DNAH11: variants seen among roughly 807,000 people sequenced by gnomAD.
DNAH11 encodes the protein axonemal beta dynein heavy chain 11.
In DNAH11, 442 loss-of-function variants were observed where a neutral mutation model predicts 526.0. That is an observed-to-expected ratio of 0.84 (90% CI 0.78 to 0.91). DNAH11 has a LOEUF of 0.91. Ranked by LOEUF, DNAH11 falls within the 40% of genes least tolerant of loss-of-function variation. The pLI is 0.00. For synonymous variants in DNAH11, 2,461 were observed against 1,935.9 expected (o/e 1.27, Z -7.12); for missense variants, 6,989 against 5,448.7 (o/e 1.28, Z -8.90).
chr7:21,564,065 C>G, intron 5 of DNAH11, 121 bp from the exon 6 acceptor site: 1 of 630,740 alleles, frequency 1.6e-6, no homozygotes, highest in Non-Finnish European at 2.6e-6. Flanking sequence ...ATAAAAGGAA[C>G]TATGACAACA....
Position 21,899,440 on chromosome 7 carries a change from T to C in DNAH11, c.13154T>C (p.Phe4385Ser). 6.2e-7 allele frequency: 1 copy of C among 1,613,116 alleles called. No individual in the cohort carries two copies. The highest frequency in any genetic ancestry group is 8.5e-7 in the Non-Finnish European group (1 of 1,179,166). ...WLSGFFNPQS[F>S]LTAIMQTMAR... ...TCCGGCTTCTTCAACCCTCAGTCCT[T>C]CTTAACTGGTAAGGGCTGACGCAGT... Residue 4385 changes from phenylalanine to serine, a missense_variant, in exon 80 of 82, where the codon TTC (phenylalanine) becomes TCC (serine). Phe to Ser is a radical substitution (Grantham distance 155). Transcript: ENST00000409508.
At chr7:21,695,228 A>G (rs1309576478) in intron 35 of DNAH11, among the ~76,000 whole-genome samples, 1 of 152,226 alleles carries the variant, frequency 6.6e-6, no homozygotes, top group African/African-American at 2.4e-5. Flanking sequence ...TTCTTCACAG[A>G]AGTAGAAAAT....
rs1784474955 is a variant in DNAH11, at chr7:21,711,812, C to A, written c.6935C>A (p.Ser2312Tyr). The A allele has an allele frequency of 6.2e-7, 1 of 1,613,802 alleles. No individual in the cohort carries two copies. The highest frequency in any genetic ancestry group is 8.5e-7 in the Non-Finnish European group (1 of 1,179,798). Reference sequence around the variant, plus strand: ...AGGAGCGCAACCCCGGCCACTGTTTCCAGAGCTGGTATTCTGTATGTGAAC... The same window carrying A: ...AGGAGCGCAACCCCGGCCACTGTTTACAGAGCTGGTATTCTGTATGTGAAC... ...HLRSATPATV[S>Y]RAGILYVNPQ... The change falls in exon 42 of 82, where the codon TCC becomes TAC. Residue 2312 changes from serine to tyrosine, a missense_variant. By Grantham distance (144) the Ser-to-Tyr change is moderately radical. Coordinates refer to ENST00000409508, the MANE Select transcript of DNAH11 (RefSeq NM_001277115.2).
chr7:21,800,997 A>C (rs1746918199), intron 61 of DNAH11, 140 bp from the exon 62 acceptor site: 1 of 843,800 alleles, frequency 1.2e-6, no homozygotes, highest in Non-Finnish European at 1.9e-6. Context: ...TCTTCCCTAA[A>C]ATACGTATGG....
At chr7:21,743,724 G>A (rs565290296) in intron 49 of DNAH11, among the ~76,000 whole-genome samples, 2 of 152,292 alleles carry the variant, frequency 1.3e-5, no homozygotes, top group South Asian at 4.1e-4. Context: ...TTTAATCTCA[G>A]AAGGAAAGGG....
intron 54 of DNAH11, among the ~76,000 whole-genome samples, chr7:21,751,848 G>T (rs1786425701): frequency 6.6e-6 from 1 of 152,210 alleles, no homozygotes; most frequent in Admixed American, 6.5e-5. Context: ...CATTTGTCAG[G>T]TAGTAACAAG....
At chr7:21,814,643 A>T (rs1437321340) in intron 63 of DNAH11, among the ~76,000 whole-genome samples, 1 of 151,686 alleles carries the variant, frequency 6.6e-6, no homozygotes, top group Non-Finnish European at 1.5e-5. Context: ...ATTTATTTTT[A>T]AAATAATGTA....
At chr7:21,796,691 A>G (rs932607635) in intron 61 of DNAH11, among the ~76,000 whole-genome samples, 1 of 152,156 alleles carries the variant, frequency 6.6e-6, no homozygotes, top group Non-Finnish European at 1.5e-5. Context: ...GGGGCCAAAC[A>G]TCACGTGTTA....
chr7:21,877,824 G>C (rs898105174), intron 74 of DNAH11, among the ~76,000 whole-genome samples: 10 of 128,948 alleles, frequency 7.8e-5, no homozygotes, highest in African/African-American at 2.6e-4. Flanking sequence ...GCAATGAGCA[G>C]AGATCGCGCT....
At chr7:21,686,662 CTT>C (rs34427810) in intron 32 of DNAH11, among the ~76,000 whole-genome samples, 18,056 of 152,124 alleles carry the variant, frequency 0.12, 1,432 homozygotes, top group Non-Finnish European at 0.18. Context: ...TTACATATCT[CTT>C]AATGTATTAA....
intron 57 of DNAH11, among the ~76,000 whole-genome samples, chr7:21,780,560 A>C (rs1377598965): frequency 6.6e-6 from 1 of 150,662 alleles, no homozygotes; most frequent in East Asian, 1.9e-4. Context: ...GGAAACTTAA[A>C]ATATAAATAC....
Position 21,786,780 on chromosome 7 carries a change from C to T in DNAH11, c.9741+13C>T, listed in dbSNP as rs1254000408. Reference sequence around the variant, plus strand: ...CTTCATGGGAAAGGTATCAGCCCAGCCTGGCAAGATGAAAATCCTGATAAT... The same window carrying T: ...CTTCATGGGAAAGGTATCAGCCCAGTCTGGCAAGATGAAAATCCTGATAAT... On this transcript the variant is annotated intron_variant, in intron 59 of 81. Transcript: ENST00000409508. The T allele has an allele frequency of 6.2e-7, 1 of 1,613,194 alleles. No homozygotes were observed. Among genetic ancestry groups the T allele is most frequent in the Non-Finnish European group, 8.5e-7 (1 of 1,179,430 alleles).
Position 21,581,940 on chromosome 7 carries a change from A to ATTT in DNAH11, c.1629_1630insTTT (p.Lys543_Thr544insPhe). 1 of 1,613,064 alleles carries ATTT rather than the reference A, an allele frequency of 6.2e-7. No homozygotes were observed. Among genetic ancestry groups the ATTT allele is most frequent in the South Asian group, 1.1e-5 (1 of 90,924 alleles). On this transcript the variant is annotated inframe_insertion, in exon 9 of 82. Transcript: ENST00000409508. ...GTGATTATGTGGCATTTAAGTCCAAAACTCTGGAATTTGACAGAAGGCTTG... is the reference window on the plus strand; with the variant it reads ...GTGATTATGTGGCATTTAAGTCCAAATTTACTCTGGAATTTGACAGAAGGCTTG...
At chr7:21,775,196 T>C (rs1330100259) in intron 56 of DNAH11, among the ~76,000 whole-genome samples, 1 of 152,110 alleles carries the variant, frequency 6.6e-6, no homozygotes, top group East Asian at 1.9e-4. Flanking sequence ...TGGACCACAA[T>C]TAGGAAAGAG....
intron 74 of DNAH11, among the ~76,000 whole-genome samples, chr7:21,877,741 G>T (rs187838649): frequency 1.1e-3 from 169 of 152,118 alleles, no homozygotes; most frequent in African/African-American, 3.4e-3. Context: ...CAGGCGTGGT[G>T]GTGGGCGCCT....
At position 21,894,632 on chromosome 7, in the gene DNAH11, G is replaced by A. The variant is rs1784442169; in HGVS notation, c.12760G>A (p.Val4254Ile). The change falls in exon 78 of 82, where the codon GTC (valine) becomes ATC (isoleucine). Residue 4254 changes from valine (V) to isoleucine (I), a missense_variant. Coordinates refer to ENST00000409508, the MANE Select transcript of DNAH11 (RefSeq NM_001277115.2). ...GQSTEEKVKN[V>I]LDDILEKLPE... ...GTGTTACTGATTTAAGGTTAAGAAT[G>A]TCTTGGATGACATTTTGGAGAAACT... The A allele has an allele frequency of 6.2e-7, 1 of 1,613,514 alleles. No homozygotes were observed. The highest frequency in any genetic ancestry group is 1.1e-5 in the South Asian group (1 of 90,842).
At chr7:21,683,747 C>T (rs745726937) in intron 31 of DNAH11, 37 bp from the exon 32 acceptor site, 3 of 1,499,568 alleles carry the variant, frequency 2.0e-6, no homozygotes, top group South Asian at 3.0e-5. Flanking sequence ...CCCAAACTAC[C>T]AGTGTCCTGC....
chr7:21,660,811 A>G (rs180983629), intron 30 of DNAH11, among the ~76,000 whole-genome samples: 29 of 152,204 alleles, frequency 1.9e-4, no homozygotes, highest in African/African-American at 6.7e-4. Flanking sequence ...ACACATTTTA[A>G]AAAATTATTT....
At chr7:21,848,787 A>G (rs775801639) in intron 66 of DNAH11, among the ~76,000 whole-genome samples, 2 of 152,172 alleles carry the variant, frequency 1.3e-5, no homozygotes, top group Non-Finnish European at 2.9e-5. Flanking sequence ...ATAGATTGCT[A>G]TATGTAAGTA....
Sources: gnomAD v4.1 joint callset for allele counts (sites outside exome capture counted in the v4.1 genomes callset) on GRCh38, gnomAD v4.1.1 for gene constraint, MANE v1.5 for transcripts, NCBI Gene and HGNC (gene_info 2026-07-23, HGNC 2026-07-21) for gene names.